The following VCAN variants were observed in gnomAD, a reference collection of about 807,000 sequenced individuals.
VCAN encodes the protein versican.
VCAN carries 44 observed loss-of-function variants against 245.5 expected under a neutral mutation model. The observed-to-expected ratio is 0.18, with a 90% confidence interval of 0.14 to 0.23. The LOEUF (loss-of-function observed/expected upper bound fraction) is 0.23. Among genes scored for constraint, VCAN ranks in the 10% least tolerant of loss-of-function variants. The probability of loss-of-function intolerance (pLI) is 1.00; values close to 1 mark genes in which losing one functional copy is unlikely to be tolerated. For synonymous variants in VCAN, 1,413 were observed against 1,437.0 expected (o/e 0.98, Z 0.38); for missense variants, 3,793 against 4,057.9 (o/e 0.93, Z 1.77).
At chr5:83,552,580 A>T (rs1038268222) in intron 10 of VCAN, among the ~76,000 whole-genome samples, 2 of 152,204 alleles carry the variant, frequency 1.3e-5, no homozygotes, top group Non-Finnish European at 2.9e-5. Flanking sequence ...TAAAATTTAG[A>T]TATATTTGAA....
chr5:83,551,999 C>T (rs775906218), intron 10 of VCAN, among the ~76,000 whole-genome samples: 10 of 152,280 alleles, frequency 6.6e-5, no homozygotes, highest in Middle Eastern at 3.4e-3. Flanking sequence ...GCAAAGCTTC[C>T]AGTGCACATT....
intron 1 of VCAN, among the ~76,000 whole-genome samples, chr5:83,480,761 T>G (rs966395799): frequency 6.6e-6 from 1 of 152,184 alleles, no homozygotes; most frequent in Non-Finnish European, 1.5e-5. Context: ...ATTCCAAGCA[T>G]AAAGTGTATA....
At chr5:83,567,849 T>C (rs544435618) in intron 12 of VCAN, among the ~76,000 whole-genome samples, 1 of 152,334 alleles carries the variant, frequency 6.6e-6, no homozygotes, top group African/African-American at 2.4e-5. Context: ...CTTCTGGGAA[T>C]AATTCTTAGT....
chr5:83,554,682 G>A (rs1747598340), intron 11 of VCAN, among the ~76,000 whole-genome samples: 1 of 151,890 alleles, frequency 6.6e-6, no homozygotes, highest in Non-Finnish European at 1.5e-5. Context: ...AGTGAGGGTG[G>A]GAAAAAATTT....
intron 10 of VCAN, among the ~76,000 whole-genome samples, chr5:83,550,879 C>T (rs184028113): frequency 7.4e-4 from 64 of 86,626 alleles, no homozygotes; most frequent in African/African-American, 2.7e-3. Context: ...AAGAGTGAGA[C>T]TCCATCTCAA....
intron 9 of VCAN, 60 bp downstream of exon 9, chr5:83,545,710 AT>A: frequency 1.6e-6 from 2 of 1,266,430 alleles, no homozygotes; most frequent in Non-Finnish European, 2.3e-6. Flanking sequence ...TTGGGGGAGA[AT>A]TTATGTTGTC....
At chr5:83,491,326 A>T (rs1744972580) in intron 3 of VCAN, among the ~76,000 whole-genome samples, 1 of 152,216 alleles carries the variant, frequency 6.6e-6, no homozygotes, top group African/African-American at 2.4e-5. Context: ...CCATTTCCCT[A>T]TAAAATATTT....
chr5:83,511,810 T>C (rs1169053254), intron 5 of VCAN, among the ~76,000 whole-genome samples: 1 of 152,188 alleles, frequency 6.6e-6, no homozygotes, highest in Non-Finnish European at 1.5e-5. Flanking sequence ...ATTTGTTCAT[T>C]TTAAAGAATG....
At chr5:83,547,519 G>A (rs572076577) in intron 9 of VCAN, among the ~76,000 whole-genome samples, 8 of 152,286 alleles carry the variant, frequency 5.3e-5, no homozygotes, top group African/African-American at 1.7e-4. Context: ...ATATATTGGA[G>A]AGGAAAGGGC....
chr5:83,553,313 A>C (rs1174456670), intron 10 of VCAN, 51 bp from the exon 11 acceptor site: 1 of 1,611,944 alleles, frequency 6.2e-7, no homozygotes, highest in Admixed American at 1.7e-5. Context: ...GGGGGTGCCA[A>C]GTTTGAATGA....
chr5:83,495,696 C>T (rs973179772), intron 5 of VCAN, among the ~76,000 whole-genome samples: 2 of 152,092 alleles, frequency 1.3e-5, no homozygotes, highest in African/African-American at 4.8e-5. Flanking sequence ...TAGTTATAAA[C>T]AATATCTGAA....
At chr5:83,536,387 G>A (rs1401965533) in intron 7 of VCAN, 1 of 152,132 alleles carries the variant, frequency 6.6e-6, no homozygotes, top group African/African-American at 2.4e-5. Flanking sequence ...GTAGGTAGAG[G>A]ATGCCATTGC....
chr5:83,552,890 A>G (rs562753948), intron 10 of VCAN, among the ~76,000 whole-genome samples: 6 of 152,334 alleles, frequency 3.9e-5, no homozygotes, highest in Non-Finnish European at 7.3e-5. Flanking sequence ...GACTTCTCAG[A>G]TATCTCTTTG....
At chr5:83,579,236 T>G (rs1748578189) in intron 13 of VCAN, among the ~76,000 whole-genome samples, 1 of 119,822 alleles carries the variant, frequency 8.3e-6, no homozygotes, top group African/African-American at 3.2e-5. Flanking sequence ...TAAGGTTTTT[T>G]GTTTGTTTGT....
At chr5:83,544,767 A>T (rs1474816825) in intron 8 of VCAN, among the ~76,000 whole-genome samples, 1 of 152,146 alleles carries the variant, frequency 6.6e-6, no homozygotes, top group South Asian at 2.1e-4. Flanking sequence ...CACTTAGAAA[A>T]TATATTTAAA....
At chr5:83,502,373 A>G (rs993646166) in intron 5 of VCAN, among the ~76,000 whole-genome samples, 1 of 152,206 alleles carries the variant, frequency 6.6e-6, no homozygotes, top group African/African-American at 2.4e-5. Context: ...TTTACCTCCC[A>G]GCTGTGAAAA....
Position 83,490,191 on chromosome 5 carries a change from G to T in VCAN, c.164G>T (p.Ser55Ile). The change falls in exon 3 of 15, where the codon AGT becomes ATT. Residue 55 changes from serine (S) to isoleucine (I), a missense_variant. Ser to Ile is a moderately radical substitution (Grantham distance 142). Coordinates refer to ENST00000265077, the MANE Select transcript of VCAN (RefSeq NM_004385.5). ...HFSTMPTLPP[S>I]YNTSEFLRIK... Reference sequence around the variant, plus strand: ...TCAACGATGCCTACTTTGCCACCCAGTTACAACACCAGTGAATTTCTCCGC... The same window carrying T: ...TCAACGATGCCTACTTTGCCACCCATTTACAACACCAGTGAATTTCTCCGC... The T allele has an allele frequency of 6.2e-7, 1 of 1,614,160 alleles. No individual in the cohort carries two copies. The highest frequency in any genetic ancestry group is 1.7e-5 in the Admixed American group (1 of 60,024).
chr5:83,530,827 C>T (rs1170610712), intron 7 of VCAN, among the ~76,000 whole-genome samples: 1 of 151,860 alleles, frequency 6.6e-6, no homozygotes, highest in African/African-American at 2.4e-5. Flanking sequence ...TTTTTACAAC[C>T]TAATTGAGGT....
intron 1 of VCAN, among the ~76,000 whole-genome samples, chr5:83,479,543 C>G (rs553379185): frequency 4.6e-5 from 7 of 152,126 alleles, no homozygotes; most frequent in Admixed American, 6.5e-5. Flanking sequence ...GGCATTCACT[C>G]TCATATCTCT....
Sources: allele counts gnomAD v4.1 joint callset (sites outside exome capture counted in the v4.1 genomes callset), GRCh38; gene constraint gnomAD v4.1.1; transcripts MANE v1.5; gene names NCBI Gene and HGNC (gene_info 2026-07-23, HGNC 2026-07-21).